Variants in MYH9 observed in about 807,000 individuals in gnomAD.
MYH9 encodes myosin heavy chain 9.
In MYH9, 29 loss-of-function variants were observed where a neutral mutation model predicts 241.9. The observed-to-expected ratio is 0.12, with a 90% CI of 0.09 to 0.16. MYH9 has a LOEUF of 0.16. MYH9 is among the 10% of genes least tolerant of loss of function. The pLI is 1.00. For synonymous variants in MYH9, 1,047 were observed against 1,062.6 expected, an observed-to-expected ratio of 0.99 and a Z score of 0.29; for missense variants, 1,803 against 2,595.5, an observed-to-expected ratio of 0.69 and a Z score of 6.63.
In MYH9 at chr22:36,329,615, G is replaced by C. The variant is rs557403657; in HGVS notation, c.491-2127C>G. Among the ~76,000 whole-genome samples, 1 of 152,296 alleles carries C rather than the reference G, an allele frequency of 6.6e-6. No individual in the cohort carries two copies. Among genetic ancestry groups the C allele is most frequent in the African/African-American group, 2.4e-5 (1 of 41,560 alleles). Reference sequence around the variant, plus strand: ...CCAACGGCCCAATGCTACCATAAAAGGAAACATTCCCCAACCCTTCCAGAG... The same window carrying C: ...CCAACGGCCCAATGCTACCATAAAACGAAACATTCCCCAACCCTTCCAGAG... On this transcript the variant is annotated intron_variant, in intron 3 of 40. Transcript: ENST00000216181. The surrounding 1 kb of genome is among the most constrained non-coding windows in gnomAD (Gnocchi z 4.1).
chr22:36,290,065 TC>T (rs572324154), intron 31 of MYH9, among the ~76,000 whole-genome samples: 336 of 152,104 alleles, frequency 2.2e-3, no homozygotes, highest in Non-Finnish European at 3.6e-3. Context: ...CGAGTCCACA[TC>T]CCCCTCAGCT....
rs776066658 is a variant in MYH9 at position 36,302,557 on chromosome 22, C to A, written c.2499+11G>T. 6.2e-7 allele frequency: 1 copy of A among 1,611,072 alleles called. No homozygotes were observed. The highest frequency in any genetic ancestry group is 8.5e-7 in the Non-Finnish European group (1 of 1,178,894). On this transcript the variant is annotated intron_variant, in intron 20 of 40. Transcript: ENST00000216181. Reference sequence around the variant, plus strand: ...AGTCCCAGCTACTCAGGAGGCCCTTCTAGCACGCACCTTGGTGAAGAGCCG... The same window carrying A: ...AGTCCCAGCTACTCAGGAGGCCCTTATAGCACGCACCTTGGTGAAGAGCCG...
In MYH9 at chr22:36,294,229, T is replaced by G. The variant is rs2016753923; in HGVS notation, c.3700A>C (p.Lys1234Gln). Residue 1234 changes from lysine (K) to glutamine (Q), a missense_variant, in exon 28 of 41, where the codon AAG becomes CAG. Lys to Gln is a moderately conservative substitution (Grantham distance 53). Around this residue, in one of 11 missense-constraint regions of MYH9, gnomAD observed 876 missense variants for 1,077.8 expected, o/e 0.81. Transcript: ENST00000216181. ...TCCCCTTTGCCCTGCAGCAGCACCTTCACCTCGTTGGCCAGCTCCCCCCGC... is the reference window on the plus strand; with the variant it reads ...TCCCCTTTGCCCTGCAGCAGCACCTGCACCTCGTTGGCCAGCTCCCCCCGC... The part of the protein sequence containing the change: ...NERGELANEV[K>Q]VLLQGKGDSE... 2.5e-6 allele frequency: 4 copies of G among 1,614,128 alleles called. No homozygotes were observed. The highest frequency in any genetic ancestry group is 1.1e-5 in the South Asian group (1 of 91,084).
intron 3 of MYH9, among the ~76,000 whole-genome samples, chr22:36,331,221 G>A (rs1398536200): frequency 6.6e-6 from 1 of 152,132 alleles, no homozygotes; most frequent in Non-Finnish European, 1.5e-5. Context: ...AGGATGGAAG[G>A]AAATGGTGTT....
At chr22:36,355,758 G>A (rs1341807530) in intron 1 of MYH9, among the ~76,000 whole-genome samples, 2 of 152,200 alleles carry the variant, frequency 1.3e-5, no homozygotes, top group African/African-American at 4.8e-5. Flanking sequence ...TCAGCCCCGT[G>A]TGGCTTCAAT....
chr22:36,320,149 TGATGCCCC>T lies in MYH9; in HGVS notation c.1012+63_1012+70del. 1 of 1,551,314 alleles carries T rather than the reference TGATGCCCC, an allele frequency of 6.4e-7. No individual in the cohort carries two copies. Among genetic ancestry groups the T allele is most frequent in the Non-Finnish European group, 8.7e-7 (1 of 1,148,516 alleles). On this transcript the variant is annotated intron_variant, in intron 9 of 40. Transcript: ENST00000216181. This position sits in a 1 kb window ranked among gnomAD's most constrained non-coding sequence, Gnocchi z 4.8. The stretch of plus-strand genomic sequence containing the variant: ...GGCTCCCCAGGCCCATCGGCTACCC[TGATGCCCC>T]GAGGCCGTGGGTACCAGCCTTCCTC...
chr22:36,368,799 T>G (rs1183087777), intron 1 of MYH9, among the ~76,000 whole-genome samples: 1 of 151,612 alleles, frequency 6.6e-6, no homozygotes, highest in East Asian at 1.9e-4. Flanking sequence ...CCCCAGGTCC[T>G]GCAGCACAAC....
intron 1 of MYH9, among the ~76,000 whole-genome samples, chr22:36,362,712 G>C (rs1279379396): frequency 6.6e-6 from 1 of 152,150 alleles, no homozygotes; most frequent in Non-Finnish European, 1.5e-5. Context: ...CTGACCTCAA[G>C]TGATCCACCT....
At chr22:36,337,362 C>G (rs1265717844) in intron 3 of MYH9, among the ~76,000 whole-genome samples, 1 of 152,150 alleles carries the variant, frequency 6.6e-6, no homozygotes, top group Non-Finnish European at 1.5e-5. Context: ...CTGGCTTAGT[C>G]TGACAATAGG....
Position 36,305,894 on chromosome 22 carries a change from G to A in MYH9, c.2159+36C>T. 1 of 1,611,820 alleles carries A rather than the reference G, an allele frequency of 6.2e-7. No homozygotes were observed. The highest frequency in any genetic ancestry group is 8.5e-7 in the Non-Finnish European group (1 of 1,179,420). On this transcript the variant is annotated intron_variant, in intron 17 of 40. Transcript: ENST00000216181. The surrounding 1 kb of genome is among the most constrained non-coding windows in gnomAD (Gnocchi z 4.7). ...TCTGGGACTCACTGCACGCACAGCA[G>A]GGCCCAGGAGAAGCGGGCTCCGGGC...
chr22:36,333,629 T>C (rs963075523), intron 3 of MYH9, among the ~76,000 whole-genome samples: 1 of 152,258 alleles, frequency 6.6e-6, no homozygotes, highest in Non-Finnish European at 1.5e-5. Context: ...CCAACTTTTA[T>C]ACCTGCAGCT....
intron 11 of MYH9, 143 bp downstream of exon 11, chr22:36,318,064 G>T: frequency 1.3e-6 from 1 of 788,058 alleles, no homozygotes; most frequent in Non-Finnish European, 2.3e-6. Context: ...CCTCTCTCCG[G>T]GTTGCTGTGA....
At chr22:36,302,827 G>A in intron 19 of MYH9, 151 bp from the exon 20 acceptor site, 1 of 690,292 alleles carries the variant, frequency 1.4e-6, no homozygotes, top group Non-Finnish European at 2.6e-6. Context: ...CCTTGGGGTT[G>A]AGATAAGTTT....
intron 2 of MYH9, 63 bp from the exon 3 acceptor site, chr22:36,341,589 T>G: frequency 6.3e-7 from 1 of 1,586,488 alleles, no homozygotes; most frequent in Non-Finnish European, 8.6e-7. Flanking sequence ...GTGTACAAAC[T>G]TTGTAGCAAA....
At chr22:36,335,535 C>T (rs977851631) in intron 3 of MYH9, among the ~76,000 whole-genome samples, 1 of 152,242 alleles carries the variant, frequency 6.6e-6, no homozygotes, top group Non-Finnish European at 1.5e-5. Context: ...AGCTTTTCTG[C>T]CCCTTGAAGC....
chr22:36,310,933 T>G (rs953849602), intron 14 of MYH9, among the ~76,000 whole-genome samples: 1 of 152,156 alleles, frequency 6.6e-6, no homozygotes, highest in Non-Finnish European at 1.5e-5. Flanking sequence ...GCTTTATTAT[T>G]TTTTTCATGG....
Position 36,295,099 on chromosome 22 carries a change from AGTGGAGGCCG to A in MYH9, c.3486-33_3486-24del. 6.2e-7 allele frequency: 1 copy of A among 1,614,046 alleles called. No homozygotes were observed. Among genetic ancestry groups the A allele is most frequent in the Non-Finnish European group, 8.5e-7 (1 of 1,180,004 alleles). Reference sequence around the variant, plus strand: ...GACCTGGACAGAGAAATCCCCTCAGAGTGGAGGCCGGGGATGCTGGAGCGAGGCTGTCCCT... The same window carrying A: ...GACCTGGACAGAGAAATCCCCTCAGAGGGATGCTGGAGCGAGGCTGTCCCT... On this transcript the variant is annotated intron_variant, in intron 26 of 40. Coordinates refer to ENST00000216181, the MANE Select transcript of MYH9 (RefSeq NM_002473.6). This position sits in a 1 kb window ranked among gnomAD's most constrained non-coding sequence, Gnocchi z 4.1.
chr22:36,361,313 T>A lies in MYH9; in HGVS notation c.-19-12058A>T, dbSNP rs140246459. Among the ~76,000 whole-genome samples, 456 of 152,308 alleles carry A rather than the reference T, an allele frequency of 3.0e-3. 3 individuals are homozygous for A. Among genetic ancestry groups the A allele is most frequent in the African/African-American group, 9.9e-3 (410 of 41,548 alleles). ...AACTTAGTGCCCGGGCCCCAGAGCC[T>A]GCCCCATCTGCAGGTTCTGCCTTTG... is the stretch of plus-strand genomic sequence containing the variant. On this transcript the variant is annotated intron_variant, in intron 1 of 40. Transcript: ENST00000216181.
rs1260149165 is a variant in MYH9 at position 36,355,107 on chromosome 22, T to C, written c.-19-5852A>G. Among the ~76,000 whole-genome samples, 7 of 151,828 alleles carry C rather than the reference T, an allele frequency of 4.6e-5. 1 individual carries two copies. The South Asian group carries it at 1.0e-3, about 23-fold the overall frequency. On this transcript the variant is annotated intron_variant, in intron 1 of 40. Transcript: ENST00000216181. ...GCAGCTCTCGCCCCTGGAGATGAGA[T>C]TGGATCAGGCTGAGGCCATCCCCCA... is the stretch of plus-strand genomic sequence containing the variant.
Sources: gnomAD v4.1 joint callset for allele counts (sites outside exome capture counted in the v4.1 genomes callset) on GRCh38, gnomAD v4.1.1 for gene constraint, gnomAD v4.1.1 regional missense constraint, Gnocchi (gnomAD v3.1) non-coding constraint, MANE v1.5 for transcripts, NCBI Gene and HGNC (gene_info 2026-07-23, HGNC 2026-07-21) for gene names.